RNF220: variants seen among roughly 807,000 people sequenced by gnomAD.
The protein encoded by RNF220 is ring finger protein 220, also known as E3 ubiquitin-protein ligase RNF220.
In RNF220, 7 loss-of-function variants were observed where a neutral mutation model predicts 67.1. That is an observed-to-expected ratio of 0.10 (90% confidence interval 0.06 to 0.20). The LOEUF (loss-of-function observed/expected upper bound fraction) is 0.20, where lower values mean the gene tolerates loss of function less well. Among genes scored for constraint, RNF220 ranks in the 10% least tolerant of loss-of-function variants. The probability of loss-of-function intolerance (pLI) is 1.00; values close to 1 mark genes in which losing one functional copy is unlikely to be tolerated. For missense variants in RNF220, 565 were observed against 740.3 expected, an observed-to-expected ratio of 0.76 and a Z score of 2.75; for synonymous variants, 270 against 283.2, an observed-to-expected ratio of 0.95 and a Z score of 0.47.
intron 2 of RNF220, among the ~76,000 whole-genome samples, chr1:44,437,374 A>C (rs1310231092): frequency 6.6e-6 from 1 of 152,234 alleles, no homozygotes; most frequent in Non-Finnish European, 1.5e-5. Flanking sequence ...ATTAAAATAT[A>C]TTCTAAAAAC....
chr1:44,504,076 C>G (rs370327640), intron 2 of RNF220, among the ~76,000 whole-genome samples: 1 of 152,138 alleles, frequency 6.6e-6, no homozygotes, highest in Admixed American at 6.5e-5. Context: ...TCTCGATCTC[C>G]TGACCTTGTG....
At chr1:44,462,177 C>G (rs1372246130) in intron 2 of RNF220, among the ~76,000 whole-genome samples, 1 of 151,964 alleles carries the variant, frequency 6.6e-6, no homozygotes, top group Admixed American at 6.6e-5. Flanking sequence ...AAGTGATCCG[C>G]CCGCCTCGGC....
chr1:44,434,906 A>G (rs1020890150), intron 2 of RNF220, among the ~76,000 whole-genome samples: 1 of 151,924 alleles, frequency 6.6e-6, no homozygotes, highest in Non-Finnish European at 1.5e-5. Context: ...ACACACCTAT[A>G]GTCCCAGCTA....
chr1:44,500,091 G>A (rs980725927), intron 2 of RNF220, among the ~76,000 whole-genome samples: 1 of 152,122 alleles, frequency 6.6e-6, no homozygotes, highest in Non-Finnish European at 1.5e-5. Flanking sequence ...TTCTACCCTT[G>A]TTCCGGCCCT....
At chr1:44,427,467 A>T (rs1358639786) in intron 2 of RNF220, among the ~76,000 whole-genome samples, 1 of 152,116 alleles carries the variant, frequency 6.6e-6, no homozygotes, top group African/African-American at 2.4e-5. Flanking sequence ...CCCTCCCTGC[A>T]CTGTGAGTTC....
intron 2 of RNF220, among the ~76,000 whole-genome samples, chr1:44,426,474 C>A (rs1350304062): frequency 6.6e-6 from 1 of 152,180 alleles, no homozygotes; most frequent in Non-Finnish European, 1.5e-5. Context: ...CGCCTGTAAT[C>A]CCAGCACTTT....
chr1:44,564,773 C>T (rs1663858643), intron 2 of RNF220, among the ~76,000 whole-genome samples: 1 of 146,712 alleles, frequency 6.8e-6, no homozygotes, highest in African/African-American at 2.5e-5. Flanking sequence ...AAAAAAAGAA[C>T]CACTATTCTG....
intron 2 of RNF220, among the ~76,000 whole-genome samples, chr1:44,567,403 C>A (rs1664105166): frequency 6.6e-6 from 1 of 152,152 alleles, no homozygotes; most frequent in Non-Finnish European, 1.5e-5. Context: ...TAGCCCCCGC[C>A]AGAGTCTCAG....
At chr1:44,560,452 C>T (rs901823699) in intron 2 of RNF220, among the ~76,000 whole-genome samples, 3 of 152,120 alleles carry the variant, frequency 2.0e-5, no homozygotes, top group Non-Finnish European at 2.9e-5. Context: ...AAAAGGATGC[C>T]GGCTGGAAAC....
At chr1:44,629,465 T>C (rs1377263007) in intron 5 of RNF220, among the ~76,000 whole-genome samples, 1 of 152,252 alleles carries the variant, frequency 6.6e-6, no homozygotes, top group Non-Finnish European at 1.5e-5. Flanking sequence ...TTCAGCTTAG[T>C]GTCCTTGCCT....
At chr1:44,608,737 A>G (rs888120843) in intron 2 of RNF220, among the ~76,000 whole-genome samples, 3 of 152,242 alleles carry the variant, frequency 2.0e-5, no homozygotes, top group Non-Finnish European at 4.4e-5. Flanking sequence ...ATAACCAGAT[A>G]TATGGGTAAT....
chr1:44,457,505 G>A (rs1653310291), intron 2 of RNF220, among the ~76,000 whole-genome samples: 1 of 151,870 alleles, frequency 6.6e-6, no homozygotes, highest in Non-Finnish European at 1.5e-5. Context: ...GGGCAAGAGG[G>A]ACTGGCTCCT....
chr1:44,446,173 G>A (rs1202762390), intron 2 of RNF220, among the ~76,000 whole-genome samples: 1 of 152,162 alleles, frequency 6.6e-6, no homozygotes, highest in Non-Finnish European at 1.5e-5. Flanking sequence ...AAAAAAGCTG[G>A]TTTACATCCA....
chr1:44,518,885 AAAAC>A (rs1659678611), intron 2 of RNF220, among the ~76,000 whole-genome samples: 2 of 147,082 alleles, frequency 1.4e-5, no homozygotes, highest in African/African-American at 5.1e-5. Flanking sequence ...AAAAACAAAA[AAAAC>A]AAAAAAAAAA....
At chr1:44,485,559 T>TC (rs1656212942) in intron 2 of RNF220, among the ~76,000 whole-genome samples, 1 of 152,162 alleles carries the variant, frequency 6.6e-6, no homozygotes, top group African/African-American at 2.4e-5. Context: ...AGGCCGTTTT[T>TC]CCCCAGGAAA....
At chr1:44,489,817 T>C (rs1656687664) in intron 2 of RNF220, among the ~76,000 whole-genome samples, 1 of 152,128 alleles carries the variant, frequency 6.6e-6, no homozygotes, top group South Asian at 2.1e-4. Context: ...CAGAATCCCA[T>C]TGGCTGAAAT....
intron 3 of RNF220, among the ~76,000 whole-genome samples, chr1:44,615,048 G>A (rs1287740791): frequency 6.6e-6 from 1 of 152,130 alleles, no homozygotes; most frequent in Non-Finnish European, 1.5e-5. Flanking sequence ...TCATGTGAAG[G>A]CTGCTTCCCT....
At chr1:44,512,572 G>A (rs750822541) in intron 2 of RNF220, among the ~76,000 whole-genome samples, 3 of 152,124 alleles carry the variant, frequency 2.0e-5, no homozygotes, top group African/African-American at 7.2e-5. Flanking sequence ...CAGCCCCAGC[G>A]CCCTACACAC....
intron 2 of RNF220, among the ~76,000 whole-genome samples, chr1:44,580,030 C>CAAAAAAAAAAAAAAAAAAAAAAAAA (rs61499825): frequency 6.1e-5 from 4 of 65,256 alleles, no homozygotes; most frequent in Non-Finnish European, 1.3e-4. Context: ...CCCTGTCTCA[C>CAAAAAAAAAAAAAAAAAAAAAAAAA]AAAAAAAAAA....
Sources: gnomAD v4.1 joint callset for allele counts (sites outside exome capture counted in the v4.1 genomes callset) on GRCh38, gnomAD v4.1.1 for gene constraint, MANE v1.5 for transcripts, NCBI Gene and HGNC (gene_info 2026-07-23, HGNC 2026-07-21) for gene names.